The following ARHGAP19 variants were observed in gnomAD, a reference collection of about 807,000 sequenced individuals.
ARHGAP19 encodes Rho GTPase activating protein 19, also known as rho GTPase-activating protein 19.
In ARHGAP19, 48 loss-of-function variants were observed where a neutral mutation model predicts 60.9. The observed-to-expected ratio is 0.79, with a 90% CI of 0.62 to 1.00. The LOEUF (loss-of-function observed/expected upper bound fraction) is 1.00, where lower values mean the gene tolerates loss of function less well. Ranked by LOEUF, ARHGAP19 falls within the 50% of genes least tolerant of loss-of-function variation. The pLI is 0.00. For synonymous variants in ARHGAP19, 209 were observed against 215.5 expected, an observed-to-expected ratio of 0.97 and a Z score of 0.27; for missense variants, 562 against 597.2, an observed-to-expected ratio of 0.94 and a Z score of 0.61.
rs530962005 is a variant in ARHGAP19 at position 97,254,374 on chromosome 10, A to T, written c.927+1944T>A. 3.3e-5 allele frequency among the ~76,000 whole-genome samples: 5 copies of T among 152,344 alleles called. No homozygotes were observed. In the East Asian group the frequency reaches 9.6e-4, roughly 29 times the overall value. On this transcript the variant is annotated intron_variant, in intron 6 of 11. Transcript: ENST00000358531. ...CAATGGAATAGACTAGAAAGCCAGAAATAAACTCTTACATATATATTCAAA... is the reference window on the plus strand; with the variant it reads ...CAATGGAATAGACTAGAAAGCCAGATATAAACTCTTACATATATATTCAAA...
At chr10:97,270,535 A>T in intron 1 of ARHGAP19, 1 of 1,318,116 alleles carries the variant, frequency 7.6e-7, no homozygotes, top group Non-Finnish European at 1.0e-6. Flanking sequence ...AGCAAAAACA[A>T]CTTTCTACTC....
intron 4 of ARHGAP19, among the ~76,000 whole-genome samples, chr10:97,261,444 T>C (rs1370078231): frequency 6.6e-6 from 1 of 152,190 alleles, no homozygotes; most frequent in Non-Finnish European, 1.5e-5. Flanking sequence ...TTTCAAATAT[T>C]GCACTAAACG....
At chr10:97,272,509 A>G (rs376529152) in intron 1 of ARHGAP19, among the ~76,000 whole-genome samples, 31 of 152,288 alleles carry the variant, frequency 2.0e-4, no homozygotes, top group Middle Eastern at 6.8e-3. Flanking sequence ...TGGCAGATGA[A>G]GCCATCTGAA....
At chr10:97,255,607 A>G (rs7074678) in intron 6 of ARHGAP19, among the ~76,000 whole-genome samples, 44,251 of 152,024 alleles carry the variant, frequency 0.29, 6,993 homozygotes, top group Middle Eastern at 0.37. Context: ...TAAGAGATTC[A>G]CTATCAAGGA....
intron 8 of ARHGAP19, among the ~76,000 whole-genome samples, chr10:97,237,677 C>T (rs1842403434): frequency 1.3e-5 from 2 of 152,116 alleles, no homozygotes; most frequent in Admixed American, 6.6e-5. Context: ...TCAAGACCAG[C>T]CTGGCCAACA....
intron 8 of ARHGAP19, among the ~76,000 whole-genome samples, chr10:97,241,859 A>T (rs929465000): frequency 2.0e-5 from 3 of 151,136 alleles, no homozygotes; most frequent in Non-Finnish European, 2.9e-5. Flanking sequence ...AATACAAAAA[A>T]ATTAGCCGGG....
chr10:97,259,897 A>G (rs1842806511), intron 4 of ARHGAP19, among the ~76,000 whole-genome samples: 3 of 151,912 alleles, frequency 2.0e-5, no homozygotes, highest in African/African-American at 7.2e-5. Context: ...GTGCAGTTAC[A>G]CAATCTCAGC....
chr10:97,258,392 G>A (rs1036769745), intron 5 of ARHGAP19, among the ~76,000 whole-genome samples: 4 of 152,114 alleles, frequency 2.6e-5, no homozygotes, highest in African/African-American at 9.7e-5. Flanking sequence ...ATATTAGCCA[G>A]GAATAGTGGC....
chr10:97,268,340 C>A (rs545373092), intron 1 of ARHGAP19, among the ~76,000 whole-genome samples: 1 of 152,226 alleles, frequency 6.6e-6, no homozygotes, highest in African/African-American at 2.4e-5. Flanking sequence ...AACTTTCCCA[C>A]GTTTCCCTGT....
intron 1 of ARHGAP19, chr10:97,270,510 A>C (rs1198939507): frequency 2.1e-6 from 2 of 939,876 alleles, no homozygotes; most frequent in African/African-American, 3.3e-5. Flanking sequence ...ACTAAAGAAA[A>C]AACTACTATA....
intron 1 of ARHGAP19, among the ~76,000 whole-genome samples, chr10:97,283,524 G>A (rs149821448): frequency 3.6e-4 from 54 of 151,756 alleles, no homozygotes; most frequent in African/African-American, 1.2e-3. Flanking sequence ...ACTGCACTCC[G>A]GCCTGGGCAA....
In ARHGAP19 at chr10:97,223,663, T is replaced by C. The variant is rs1850845732; in HGVS notation, c.*2459A>G. Reference sequence around the variant, plus strand: ...CACAATGAAATAGATTCAAAAAAAATCTTATAGATTAAAAAACTCTGTTAA... The same window carrying C: ...CACAATGAAATAGATTCAAAAAAAACCTTATAGATTAAAAAACTCTGTTAA... On this transcript the variant is annotated 3_prime_UTR_variant, in exon 12 of 12. Coordinates refer to ENST00000358531, the MANE Select transcript of ARHGAP19 (RefSeq NM_032900.6). The C allele has an allele frequency of 6.6e-6, 1 of 152,070 alleles. No homozygotes were observed. The highest frequency in any genetic ancestry group is 2.1e-4 in the South Asian group (1 of 4,824). 9.4% of individuals were successfully genotyped at this position (152,070 alleles called of 1,614,324 possible).
chr10:97,260,438 G>A (rs1372155234), intron 4 of ARHGAP19, among the ~76,000 whole-genome samples: 2 of 151,998 alleles, frequency 1.3e-5, no homozygotes, highest in East Asian at 3.9e-4. Context: ...GCAGAGGCAG[G>A]AGTATGGCGT....
At position 97,227,150 on chromosome 10, in the gene ARHGAP19, T is replaced by C. The variant is rs142502992; in HGVS notation, c.1475-1018A>G. 4.9e-3 allele frequency among the ~76,000 whole-genome samples: 754 copies of C among 152,390 alleles called. 6 individuals are homozygous for C. The highest frequency in any genetic ancestry group is 0.017 in the African/African-American group (711 of 41,592). On this transcript the variant is annotated intron_variant, in intron 11 of 11. Coordinates refer to ENST00000358531, the MANE Select transcript of ARHGAP19 (RefSeq NM_032900.6). ...AGAAATCCTGTACTAAATAATAGTC[T>C]TTTTGGATTATGTTGTTGATCACAG... is the stretch of plus-strand genomic sequence containing the variant.
intron 5 of ARHGAP19, among the ~76,000 whole-genome samples, chr10:97,257,514 C>G (rs1842772166): frequency 6.6e-6 from 1 of 152,026 alleles, no homozygotes; most frequent in South Asian, 2.1e-4. Flanking sequence ...CTGTGTTGCC[C>G]AGGCTGGTCT....
At chr10:97,241,571 G>A (rs1398773199) in intron 8 of ARHGAP19, among the ~76,000 whole-genome samples, 2 of 151,568 alleles carry the variant, frequency 1.3e-5, no homozygotes, top group African/African-American at 2.4e-5. Flanking sequence ...AAATTAGTCA[G>A]GCGTTGTGAC....
intron 5 of ARHGAP19, among the ~76,000 whole-genome samples, chr10:97,256,715 G>C (rs1453539029): frequency 2.0e-5 from 3 of 152,168 alleles, no homozygotes; most frequent in African/African-American, 7.2e-5. Context: ...GAAAAAAACA[G>C]AATCTGTTCC....
chr10:97,280,622 T>C (rs1843072322), intron 1 of ARHGAP19, among the ~76,000 whole-genome samples: 1 of 151,950 alleles, frequency 6.6e-6, no homozygotes, highest in East Asian at 1.9e-4. Flanking sequence ...CTCACTCTGT[T>C]GACCAGGCTG....
chr10:97,249,318 G>A (rs927185485), intron 6 of ARHGAP19, among the ~76,000 whole-genome samples: 2 of 152,126 alleles, frequency 1.3e-5, no homozygotes, highest in African/African-American at 4.8e-5. Context: ...CTTTGTAACT[G>A]AAAGATCTGG....
Sources: gnomAD v4.1 joint callset for allele counts (sites outside exome capture counted in the v4.1 genomes callset) on GRCh38, gnomAD v4.1.1 for gene constraint, MANE v1.5 for transcripts, NCBI Gene and HGNC (gene_info 2026-07-23, HGNC 2026-07-21) for gene names.